PRH1: variants seen among roughly 807,000 people sequenced by gnomAD.
PRH1 encodes salivary acidic proline-rich phosphoprotein 1/2.
In PRH1, 7 loss-of-function variants were observed where a neutral mutation model predicts 7.9. That is an observed-to-expected ratio of 0.89 (90% CI 0.50 to 1.67). The LOEUF (loss-of-function observed/expected upper bound fraction) is 1.67. PRH1 is among the 40% of genes most tolerant of loss of function. The pLI, the probability that PRH1 is intolerant of heterozygous loss-of-function variation, is 0.00. For missense variants in PRH1, 109 were observed against 223.6 expected, an observed-to-expected ratio of 0.49 and a Z score of 3.27; for synonymous variants, 45 against 80.8, an observed-to-expected ratio of 0.56 and a Z score of 2.38.
chr12:11,066,260 A>C (rs1591935945), intron 1 of PRH1, among the ~76,000 whole-genome samples: 1 of 152,194 alleles, frequency 6.6e-6, no homozygotes, highest in Non-Finnish European at 1.5e-5. Flanking sequence ...CAAGTGTGAC[A>C]GAAGATCTGA....
chr12:11,100,310 C>T (rs1445165316), intron 1 of PRH1, among the ~76,000 whole-genome samples: 1 of 152,126 alleles, frequency 6.6e-6, no homozygotes, highest in African/African-American at 2.4e-5. Flanking sequence ...GATTTTCTTC[C>T]TTTTGTAATA....
At chr12:11,026,825 G>A (rs187557771) in intron 1 of PRH1, among the ~76,000 whole-genome samples, 1 of 151,942 alleles carries the variant, frequency 6.6e-6, no homozygotes, top group Admixed American at 6.6e-5. Context: ...TTGCTGAATG[G>A]TTCTTAATCT....
intron 2 of PRH1, 85 bp downstream of exon 2, chr12:10,882,976 A>G: frequency 6.5e-7 from 1 of 1,539,014 alleles, no homozygotes; most frequent in South Asian, 1.1e-5. Flanking sequence ...TGACAAGAAA[A>G]TGGTGATAAG....
chr12:11,136,784 T>G (rs1224919303), intron 1 of PRH1, among the ~76,000 whole-genome samples: 1 of 152,144 alleles, frequency 6.6e-6, no homozygotes, highest in Non-Finnish European at 1.5e-5. Flanking sequence ...AATCCCAACA[T>G]TTTGTAAGGC....
chr12:11,089,562 C>T (rs73064954), intron 1 of PRH1, among the ~76,000 whole-genome samples: 4,997 of 75,800 alleles, frequency 0.066, 377 homozygotes, highest in Non-Finnish European at 0.095. Context: ...AATTTCCACA[C>T]GTCCTTGCCA....
chr12:10,908,487 A>G (rs2135822798), intron 2 of PRH1: 1 of 1,613,884 alleles, frequency 6.2e-7, no homozygotes, highest in Non-Finnish European at 8.5e-7. Flanking sequence ...AGGAGAGAAG[A>G]CTCCAATCGT....
At chr12:11,064,460 T>G (rs1312733075) in intron 1 of PRH1, among the ~76,000 whole-genome samples, 1 of 152,126 alleles carries the variant, frequency 6.6e-6, no homozygotes, top group Non-Finnish European at 1.5e-5. Context: ...TACGAATAAT[T>G]CTACTAGAGC....
At chr12:11,048,166 A>AT (rs374983888), upstream of PRH1, among the ~76,000 whole-genome samples, 9 of 115,346 alleles carry the variant, frequency 7.8e-5, no homozygotes, top group East Asian at 2.1e-3. Flanking sequence ...GTGTGTATAG[A>AT]TAGATAGATA....
intron 1 of PRH1, among the ~76,000 whole-genome samples, chr12:11,170,347 C>T (rs1230241427): frequency 1.3e-5 from 2 of 152,072 alleles, no homozygotes; most frequent in Non-Finnish European, 2.9e-5. Flanking sequence ...GAGATCGAGA[C>T]CATCCTGGCT....
chr12:11,026,806 G>A (rs1309935484), intron 1 of PRH1, among the ~76,000 whole-genome samples: 2 of 151,940 alleles, frequency 1.3e-5, no homozygotes, highest in Admixed American at 6.6e-5. Context: ...TTTTTACTGG[G>A]CTTGTGATTT....
At chr12:11,049,427 T>C (rs546770263), upstream of PRH1, among the ~76,000 whole-genome samples, 2 of 152,402 alleles carry the variant, frequency 1.3e-5, no homozygotes, top group South Asian at 4.1e-4. Flanking sequence ...CATATGCTAA[T>C]GGATGAATTC....
In PRH1 at chr12:11,128,470, C is replaced by T. The variant is rs550534716; in HGVS notation, n.40-7290G>A. ...AGTATAATCACCTATAAAAAGCGGGCGCAGTGGCTCATGGCTGTAATCCCA... is the reference window on the plus strand; with the variant it reads ...AGTATAATCACCTATAAAAAGCGGGTGCAGTGGCTCATGGCTGTAATCCCA... On this transcript the variant is annotated intron_variant and non_coding_transcript_variant, in intron 1 of 1. Coordinates refer to the PRH1 transcript ENST00000541175. Among the ~76,000 whole-genome samples the T allele has an allele frequency of 4.6e-5, 7 of 152,188 alleles. No individual in the cohort carries two copies. The East Asian group carries it at 9.7e-4, about 21-fold the overall frequency.
At position 10,930,765 on chromosome 12, in the gene PRH1, C is replaced by A. The variant is rs942936169; in HGVS notation, c.-59+42890G>T. ...CTGGTGATGGGAACCAGAATGATGG[C>A]CCTCAGCAGGGACCACCCCAACAAG... is the stretch of plus-strand genomic sequence containing the variant. On this transcript the variant is annotated intron_variant, in intron 2 of 3. Coordinates refer to the PRH1 transcript ENST00000539853. The A allele has an allele frequency of 1.9e-6, 3 of 1,606,626 alleles. No homozygotes were observed. The African/African-American group carries it at 4.0e-5, about 22-fold the overall frequency.
chr12:10,941,926 G>T (rs1410120280), intron 2 of PRH1, among the ~76,000 whole-genome samples: 2 of 152,150 alleles, frequency 1.3e-5, no homozygotes, highest in Admixed American at 6.5e-5. Flanking sequence ...CTTTGATGTA[G>T]TATTCTCCCT....
chr12:11,047,562 T>C (rs930536727), upstream of PRH1, among the ~76,000 whole-genome samples: 4 of 152,144 alleles, frequency 2.6e-5, no homozygotes, highest in African/African-American at 9.7e-5. Context: ...AGAAACAACT[T>C]TTCTAACTAC....
intron 1 of PRH1, among the ~76,000 whole-genome samples, chr12:11,066,752 C>G (rs1943838209): frequency 6.6e-6 from 1 of 151,536 alleles, no homozygotes; most frequent in Non-Finnish European, 1.5e-5. Flanking sequence ...TGAGAGAACC[C>G]TACTATTCTT....
At chr12:11,049,256 T>C, upstream of PRH1, 5 of 952,900 alleles carry the variant, frequency 5.2e-6, no homozygotes, top group Non-Finnish European at 7.0e-6. Context: ...AAACATATCA[T>C]GTTTGAACAA....
At chr12:11,119,111 A>C (rs1945817284), downstream of PRH1, among the ~76,000 whole-genome samples, 1 of 152,076 alleles carries the variant, frequency 6.6e-6, no homozygotes, top group Non-Finnish European at 1.5e-5. Flanking sequence ...TACGGATGGA[A>C]TTGGAGATTA....
chr12:10,884,710 A>G (rs868282909), upstream of PRH1, among the ~76,000 whole-genome samples: 5 of 152,046 alleles, frequency 3.3e-5, no homozygotes. Context: ...ATCTCTCATG[A>G]TGTGTGTGCG....
Sources: gnomAD v4.1 joint callset for allele counts (sites outside exome capture counted in the v4.1 genomes callset) on GRCh38, gnomAD v4.1.1 for gene constraint, MANE v1.5 for transcripts, NCBI Gene and HGNC (gene_info 2026-07-23, HGNC 2026-07-21) for gene names.